The following MATR3 variants were observed in gnomAD, a reference collection of about 807,000 sequenced individuals.
The protein encoded by MATR3 is matrin 3.
In MATR3, 4 loss-of-function variants were observed where a neutral mutation model predicts 85.5. The observed-to-expected ratio is 0.05, with a 90% CI of 0.02 to 0.11. The LOEUF (loss-of-function observed/expected upper bound fraction) is 0.11, where lower values mean the gene tolerates loss of function less well. Ranked by LOEUF, MATR3 falls within the 10% of genes least tolerant of loss-of-function variation. The pLI, the probability that MATR3 is intolerant of heterozygous loss-of-function variation, is 1.00. For missense variants in MATR3, 685 were observed against 1,016.1 expected (o/e 0.67, Z 4.43); for synonymous variants, 336 against 343.1 (o/e 0.98, Z 0.23).
intron 1 of MATR3, chr5:139,294,896 T>A (rs1351331531): frequency 6.6e-6 from 1 of 152,206 alleles, no homozygotes; most frequent in Non-Finnish European, 1.5e-5. Context: ...TTGGATCAGT[T>A]ACAGTTTTTT....
chr5:139,319,483 G>A lies in MATR3; in HGVS notation c.1584G>A (p.Leu528=). ...EPYGKIKNYI[L]MRMKSQAFIE... ...ATGGGAAAATAAAGAATTACATATT[G>A]ATGAGGATGAAAAGTCAGGTAATAT... The change falls in exon 9 of 15, where the codon TTG becomes TTA. Residue 528 remains leucine, a synonymous_variant. Transcript: ENST00000394805. The A allele has an allele frequency of 6.2e-7, 1 of 1,613,450 alleles. No individual in the cohort carries two copies. Among genetic ancestry groups the A allele is most frequent in the Non-Finnish European group, 8.5e-7 (1 of 1,179,780 alleles).
chr5:139,294,154 C>A, intron 1 of MATR3: 2 of 950,966 alleles, frequency 2.1e-6, no homozygotes, highest in Non-Finnish European at 2.8e-6. Flanking sequence ...TGGGCGGGGG[C>A]GGGACGACTA....
intron 10 of MATR3, 54 bp downstream of exon 10, chr5:139,322,083 G>A: frequency 6.4e-7 from 1 of 1,565,484 alleles, no homozygotes; most frequent in South Asian, 1.1e-5. Flanking sequence ...CATATTTAAA[G>A]CCACAACATT....
chr5:139,328,192 A>C (rs1402076833), intron 14 of MATR3, among the ~76,000 whole-genome samples: 1 of 152,100 alleles, frequency 6.6e-6, no homozygotes, highest in Admixed American at 6.5e-5. Flanking sequence ...AAAAAAAAAA[A>C]AACTTTGTCA....
intron 1 of MATR3, among the ~76,000 whole-genome samples, chr5:139,303,170 C>T (rs866537190): frequency 1.3e-5 from 2 of 152,034 alleles, no homozygotes; most frequent in Non-Finnish European, 2.9e-5. Flanking sequence ...GCCCCAATCT[C>T]GGCTCAGTGC....
At chr5:139,298,905 C>G (rs1754298246) in intron 1 of MATR3, among the ~76,000 whole-genome samples, 1 of 152,078 alleles carries the variant, frequency 6.6e-6, no homozygotes, top group Admixed American at 6.5e-5. Flanking sequence ...ATAATGATAC[C>G]TATATTGCAG....
At chr5:139,309,861 G>A (rs1425456972) in intron 2 of MATR3, among the ~76,000 whole-genome samples, 4 of 152,030 alleles carry the variant, frequency 2.6e-5, no homozygotes, top group Non-Finnish European at 4.4e-5. Context: ...TTTTTTCTGC[G>A]TTATTTCTTG....
At position 139,330,896 on chromosome 5, in the gene MATR3, C is replaced by T. The variant is rs1434058602; in HGVS notation, c.*1501C>T. 8.8e-6 allele frequency: 4 copies of T among 453,616 alleles called. No individual in the cohort carries two copies. Among genetic ancestry groups the T allele is most frequent in the Admixed American group, 4.7e-5 (2 of 42,518 alleles). The allele number at this position is 453,616 out of a possible 1,614,324, so 28.1% of individuals were successfully genotyped here. A position where few individuals can be genotyped will look rare whatever the true frequency, so the allele number is the denominator to read the frequency against. On this transcript the variant is annotated 3_prime_UTR_variant, in exon 15 of 15. Coordinates refer to ENST00000394805, the MANE Select transcript of MATR3 (RefSeq NM_018834.6). ...AACCTCAGCCTTTGGGCTCAAATGA[C>T]CCTCCTACCTCAGTCTCCTGAGTAG...
upstream of MATR3, among the ~76,000 whole-genome samples, chr5:139,290,492 C>A (rs1017366993): frequency 8.7e-6 from 1 of 114,776 alleles, no homozygotes; most frequent in African/African-American, 3.4e-5. Context: ...TGTTGCCTAG[C>A]TGGAGTGCAG....
intron 1 of MATR3, among the ~76,000 whole-genome samples, chr5:139,299,592 G>C (rs184140249): frequency 6.6e-6 from 1 of 152,308 alleles, no homozygotes. Flanking sequence ...TTGAGCCCAA[G>C]AGATTGAGTC....
intron 9 of MATR3, among the ~76,000 whole-genome samples, chr5:139,320,729 T>G (rs934795840): frequency 2.0e-5 from 3 of 150,922 alleles, no homozygotes; most frequent in Non-Finnish European, 2.9e-5. Context: ...TATTTTAATA[T>G]CTTAAGCTTA....
chr5:139,315,371 G>A (rs1349394676), intron 3 of MATR3: 2 of 287,444 alleles, frequency 7.0e-6, no homozygotes, highest in African/African-American at 4.5e-5. Flanking sequence ...GAAAATCTGT[G>A]CTCTGTTCTT....
chr5:139,318,919 A>G lies in MATR3; in HGVS notation c.1320A>G (p.Glu440=). The G allele has an allele frequency of 6.2e-7, 1 of 1,614,202 alleles. No homozygotes were observed. The highest frequency in any genetic ancestry group is 8.5e-7 in the Non-Finnish European group (1 of 1,180,018). ...TTGTATAATTTCAGGCATTTATTGA[A>G]ATGGCAACCACAGAGGATGCTCAGG... ...ILNKINEAFI[E]MATTEDAQAA... is the part of the protein sequence containing the mutation. The change falls in exon 8 of 15, where the codon GAA becomes GAG. Residue 440 remains glutamate, a synonymous_variant. Transcript: ENST00000394805.
Position 139,330,671 on chromosome 5 carries a change from T to C in MATR3, c.*1276T>C. 1 of 454,148 alleles carries C rather than the reference T, an allele frequency of 2.2e-6. No homozygotes were observed. The highest frequency in any genetic ancestry group is 1.6e-5 in the South Asian group (1 of 64,482). 28.1% of individuals were successfully genotyped at this position (454,148 alleles called of 1,614,324 possible). A position where few individuals can be genotyped will look rare whatever the true frequency, so the allele number is the denominator to read the frequency against. ...TGCTACAGGTGAACAAACAGAAGCT[T>C]ATGTTTAGAGATATTGATGACTTAA... On this transcript the variant is annotated 3_prime_UTR_variant, in exon 15 of 15. Transcript: ENST00000394805.
intron 1 of MATR3, among the ~76,000 whole-genome samples, chr5:139,299,655 C>CTT (rs1414307725): frequency 6.6e-6 from 1 of 152,148 alleles, no homozygotes; most frequent in Non-Finnish European, 1.5e-5. Context: ...AAGACCCTGT[C>CTT]TTGAAAAAGG....
At chr5:139,299,803 C>CT (rs1754347657) in intron 1 of MATR3, 1 of 152,078 alleles carries the variant, frequency 6.6e-6, no homozygotes, top group Non-Finnish European at 1.5e-5. Flanking sequence ...AGGAGGCTAG[C>CT]TAAAAAGCAG....
rs1433933746 is a variant in MATR3, at chr5:139,319,374, A to G, written c.1475A>G (p.Gln492Arg). Reference sequence around the variant, plus strand: ...CCAGATCAGAAGTTTGATCAAAAGCAAGAGCTTGGACGTGTGATACATCTC... The same window carrying G: ...CCAGATCAGAAGTTTGATCAAAAGCGAGAGCTTGGACGTGTGATACATCTC... ...GKPDQKFDQK[Q>R]ELGRVIHLSN... is the part of the protein sequence containing the mutation. The change falls in exon 9 of 15, where the codon CAA becomes CGA. Residue 492 changes from glutamine to arginine, a missense_variant. Gln to Arg is a conservative substitution (Grantham distance 43, BLOSUM62 1). This residue lies in a region of MATR3 where 30 missense variants were observed against 23.9 expected (regional missense o/e 1.25). Transcript: ENST00000394805. The G allele has an allele frequency of 1.2e-6, 2 of 1,614,218 alleles. No individual in the cohort carries two copies. The highest frequency in any genetic ancestry group is 1.7e-6 in the Non-Finnish European group (2 of 1,180,052).
chr5:139,330,071 T>C lies in MATR3; in HGVS notation c.*676T>C. 1 of 454,548 alleles carries C rather than the reference T, an allele frequency of 2.2e-6. No homozygotes were observed. The allele number at this position is 454,548 out of a possible 1,614,324, so 28.2% of individuals were successfully genotyped here. On this transcript the variant is annotated 3_prime_UTR_variant, in exon 15 of 15. Coordinates refer to ENST00000394805, the MANE Select transcript of MATR3 (RefSeq NM_018834.6). Reference sequence around the variant, plus strand: ...GTGAAATGCAAAAATATTCCCGTTATCTTTGACCAGTATTAATTTTTGAGA... The same window carrying C: ...GTGAAATGCAAAAATATTCCCGTTACCTTTGACCAGTATTAATTTTTGAGA...
At chr5:139,328,277 T>G (rs1755961232) in intron 14 of MATR3, among the ~76,000 whole-genome samples, 1 of 152,114 alleles carries the variant, frequency 6.6e-6, no homozygotes, top group African/African-American at 2.4e-5. Flanking sequence ...TGGATGTTTG[T>G]GGGGTGATTT....
Sources: gnomAD v4.1 joint callset for allele counts (sites outside exome capture counted in the v4.1 genomes callset) on GRCh38, gnomAD v4.1.1 for gene constraint, gnomAD v4.1.1 regional missense constraint, MANE v1.5 for transcripts, NCBI Gene and HGNC (gene_info 2026-07-23, HGNC 2026-07-21) for gene names.